ACOT7: variants seen among roughly 807,000 people sequenced by gnomAD.
ACOT7 encodes the protein cytosolic acyl coenzyme A thioester hydrolase.
In ACOT7, 12 loss-of-function variants were observed where a neutral mutation model predicts 40.2. The ratio of observed to expected loss-of-function variants is 0.30; its 90% confidence interval spans 0.19 to 0.48. The LOEUF (loss-of-function observed/expected upper bound fraction) is 0.48. ACOT7 is among the 20% of genes least tolerant of loss of function. ACOT7 has a pLI of 0.99. For missense variants in ACOT7, 395 were observed against 530.8 expected (o/e 0.74, Z 2.51); for synonymous variants, 228 against 219.5 (o/e 1.04, Z -0.34).
In ACOT7 at chr1:6,341,509, A is replaced by G. The variant is rs979550123; in HGVS notation, c.262-1920T>C. 7.5e-4 allele frequency among the ~76,000 whole-genome samples: 114 copies of G among 151,812 alleles called. 2 individuals are homozygous for G. Among genetic ancestry groups the G allele is most frequent in the Admixed American group, 9.2e-4 (14 of 15,232 alleles). ...TGTAATCCCAGCACTTCGGGAGGCC[A>G]AGGCGGGTGGATCACACGGTCAGGA... On this transcript the variant is annotated intron_variant, in intron 2 of 8. Coordinates refer to ENST00000361521, the MANE Select transcript of ACOT7 (RefSeq NM_007274.4).
At chr1:6,378,632 G>A (rs77133476) in intron 1 of ACOT7, among the ~76,000 whole-genome samples, 1,716 of 152,102 alleles carry the variant, frequency 0.011, 34 homozygotes, top group African/African-American at 0.039. Flanking sequence ...AGACATCTGA[G>A]CTGTCTGGCA....
chr1:6,280,961 A>C (rs1438871676), intron 8 of ACOT7, 141 bp downstream of exon 8: 30 of 1,183,950 alleles, frequency 2.5e-5, no homozygotes, highest in Non-Finnish European at 3.4e-5. Flanking sequence ...CGGTCACGGC[A>C]GTGGCCAGGC....
intron 3 of ACOT7, among the ~76,000 whole-genome samples, chr1:6,335,309 G>A (rs924759925): frequency 7.2e-5 from 9 of 124,698 alleles, no homozygotes; most frequent in Middle Eastern, 6.3e-3. Flanking sequence ...GCTGGGCAAC[G>A]AGAGCAAAAC....
intron 5 of ACOT7, among the ~76,000 whole-genome samples, chr1:6,320,403 G>A (rs781731030): frequency 6.6e-6 from 1 of 152,186 alleles, no homozygotes; most frequent in Non-Finnish European, 1.5e-5. Context: ...ACCCTAGTGG[G>A]TCACACAGTG....
chr1:6,346,917 G>A (rs200920516), intron 2 of ACOT7, among the ~76,000 whole-genome samples: 1 of 152,170 alleles, frequency 6.6e-6, no homozygotes, highest in East Asian at 1.9e-4. Flanking sequence ...GCACCGGGGT[G>A]CTGCAGAGAC....
At position 6,393,520 on chromosome 1, in the gene ACOT7, G is replaced by T; in HGVS notation, c.-121C>A. ...CCGCGCCGGCCCCACCCCGAGCCCCGCCTCCCAGGCCGCCAAGGCTGCAGA... is the reference window on the plus strand; with the variant it reads ...CCGCGCCGGCCCCACCCCGAGCCCCTCCTCCCAGGCCGCCAAGGCTGCAGA... On this transcript the variant is annotated 5_prime_UTR_variant, in exon 1 of 9. Coordinates refer to ENST00000361521, the MANE Select transcript of ACOT7 (RefSeq NM_007274.4). 6 of 908,826 alleles carry T rather than the reference G, an allele frequency of 6.6e-6. No homozygotes were observed. Among genetic ancestry groups the T allele is most frequent in the Non-Finnish European group, 8.5e-6 (6 of 704,478 alleles). 56.3% of individuals were successfully genotyped at this position (908,826 alleles called of 1,614,324 possible).
intron 1 of ACOT7, among the ~76,000 whole-genome samples, chr1:6,392,588 G>T (rs1642550748): frequency 6.6e-6 from 1 of 152,220 alleles, no homozygotes; most frequent in Admixed American, 6.5e-5. Flanking sequence ...CCTCTATTGT[G>T]TAAGATGCTT....
intron 6 of ACOT7, among the ~76,000 whole-genome samples, chr1:6,309,434 G>A (rs374797662): frequency 5.9e-5 from 9 of 152,240 alleles, no homozygotes; most frequent in African/African-American, 1.2e-4. Context: ...GAGTCTTTCC[G>A]CCTCCTTCCT....
intron 5 of ACOT7, among the ~76,000 whole-genome samples, chr1:6,325,302 G>A (rs1231468229): frequency 6.6e-6 from 1 of 151,976 alleles, no homozygotes. Context: ...GGAGGCTGAG[G>A]CAGGAGAATG....
chr1:6,308,745 A>G (rs1640244436), intron 6 of ACOT7, among the ~76,000 whole-genome samples: 1 of 151,316 alleles, frequency 6.6e-6, no homozygotes. Flanking sequence ...AACCATGACC[A>G]GGTGGAGAGA....
rs114713930 is a variant in ACOT7, at chr1:6,300,937, G to A, written c.713-5957C>T. 6.5e-3 allele frequency among the ~76,000 whole-genome samples: 985 copies of A among 152,348 alleles called. 11 individuals are homozygous for A. Among genetic ancestry groups the A allele is most frequent in the African/African-American group, 0.021 (887 of 41,578 alleles). On this transcript the variant is annotated intron_variant, in intron 6 of 8. Transcript: ENST00000361521. ...AGGAACCAGACACATGGAGAGTCAC[G>A]CTTCCAAAGTCACACCACTAGGGGT...
chr1:6,342,700 T>C (rs1051688552), intron 2 of ACOT7, among the ~76,000 whole-genome samples: 1 of 152,246 alleles, frequency 6.6e-6, no homozygotes, highest in Non-Finnish European at 1.5e-5. Flanking sequence ...GTTAGAGATG[T>C]GGGGCACCCC....
intron 6 of ACOT7, among the ~76,000 whole-genome samples, chr1:6,317,728 C>CTT (rs988852778): frequency 1.5e-4 from 21 of 135,836 alleles, no homozygotes; most frequent in African/African-American, 3.1e-4. Flanking sequence ...CAGAGTCTTT[C>CTT]TTTTTTTTTT....
chr1:6,367,509 G>A (rs1012418542), intron 1 of ACOT7, among the ~76,000 whole-genome samples: 10 of 152,238 alleles, frequency 6.6e-5, no homozygotes, highest in African/African-American at 2.4e-4. Flanking sequence ...CCACTGCACA[G>A]TCAGACATGC....
rs192978314 is a variant in ACOT7 at position 6,306,615 on chromosome 1, T to C, written c.713-11635A>G. 4 of 985,378 alleles carry C rather than the reference T, an allele frequency of 4.1e-6. No homozygotes were observed. In the South Asian group the frequency reaches 1.4e-4, roughly 35 times the overall value. 61.0% of individuals were successfully genotyped at this position (985,378 alleles called of 1,614,324 possible). A position where few individuals can be genotyped will look rare whatever the true frequency, so the allele number is the denominator to read the frequency against. On this transcript the variant is annotated intron_variant, in intron 6 of 8. Transcript: ENST00000361521. The surrounding 1 kb of genome is among the most constrained non-coding windows in gnomAD (Gnocchi z 4.3). ...CTAGAAGGCGAGTACTAGAAGGAAT[T>C]TAACTGCAGCCTGTGCCACTCAGCT...
chr1:6,324,971 C>G (rs7546772), intron 5 of ACOT7, among the ~76,000 whole-genome samples: 52,117 of 151,966 alleles, frequency 0.34, 13,416 homozygotes, highest in African/African-American at 0.73. Flanking sequence ...CCATTCCTTA[C>G]AGCCGGTGTC....
intron 6 of ACOT7, among the ~76,000 whole-genome samples, chr1:6,310,005 G>C (rs566351953): frequency 6.6e-6 from 1 of 152,330 alleles, no homozygotes; most frequent in South Asian, 2.1e-4. Context: ...GTTTAGGTTA[G>C]GTGAGGGCTG....
chr1:6,307,893 G>C (rs529326861), intron 6 of ACOT7, among the ~76,000 whole-genome samples: 1 of 152,046 alleles, frequency 6.6e-6, no homozygotes, highest in African/African-American at 2.4e-5. Context: ...ACCAGACAGA[G>C]GGAACTACAA....
At chr1:6,298,166 T>G (rs996871018) in intron 6 of ACOT7, among the ~76,000 whole-genome samples, 3 of 152,082 alleles carry the variant, frequency 2.0e-5, no homozygotes, top group Non-Finnish European at 2.9e-5. Flanking sequence ...AAAGAGTCTC[T>G]CTCTGTCACC....
Sources: gnomAD v4.1 joint callset for allele counts (sites outside exome capture counted in the v4.1 genomes callset) on GRCh38, gnomAD v4.1.1 for gene constraint, Gnocchi (gnomAD v3.1) non-coding constraint, MANE v1.5 for transcripts, NCBI Gene and HGNC (gene_info 2026-07-23, HGNC 2026-07-21) for gene names.